Variants in SGCZ observed in about 807,000 individuals in gnomAD.
The protein encoded by SGCZ is sarcoglycan zeta, also known as zeta-sarcoglycan.
Under a neutral mutation model 41.3 loss-of-function variants are expected in SGCZ, and 40 were observed. The ratio of observed to expected loss-of-function variants is 0.97; its 90% CI spans 0.75 to 1.26. The LOEUF (loss-of-function observed/expected upper bound fraction) is 1.26. Ranked by LOEUF, SGCZ falls within the 50% of genes most tolerant of loss-of-function variation. The pLI, the probability that SGCZ is intolerant of heterozygous loss-of-function variation, is 0.00. For missense variants in SGCZ, 552 were observed against 369.8 expected (o/e 1.49, Z -4.04); for synonymous variants, 206 against 137.5 (o/e 1.50, Z -3.49).
At chr8:14,162,222 T>C (rs1327876870) in intron 5 of SGCZ, among the ~76,000 whole-genome samples, 2 of 152,106 alleles carry the variant, frequency 1.3e-5, no homozygotes, top group Non-Finnish European at 2.9e-5. Flanking sequence ...TTCCATGAGA[T>C]CGTAAAAGCT....
intron 1 of SGCZ, among the ~76,000 whole-genome samples, chr8:14,702,124 G>A (rs1194478578): frequency 6.6e-6 from 1 of 151,840 alleles, no homozygotes; most frequent in Non-Finnish European, 1.5e-5. Context: ...TTCAAATTCA[G>A]GGATAAATGC....
chr8:14,779,226 C>G (rs1800507061), intron 1 of SGCZ, among the ~76,000 whole-genome samples: 1 of 152,152 alleles, frequency 6.6e-6, no homozygotes, highest in South Asian at 2.1e-4. Context: ...TATCTGACTT[C>G]CCAAACTAAG....
intron 2 of SGCZ, among the ~76,000 whole-genome samples, chr8:14,517,800 G>C (rs1379694110): frequency 6.6e-6 from 1 of 151,148 alleles, no homozygotes; most frequent in Non-Finnish European, 1.5e-5. Context: ...AGCTTTTTTT[G>C]AAAAGTCATG....
intron 1 of SGCZ, among the ~76,000 whole-genome samples, chr8:15,046,936 T>A (rs1186082565): frequency 2.6e-5 from 4 of 152,008 alleles, no homozygotes; most frequent in Non-Finnish European, 5.9e-5. Flanking sequence ...CAGGAAAAAC[T>A]TTCAAAATTG....
At chr8:15,223,717 T>A (rs1801677688) in intron 1 of SGCZ, among the ~76,000 whole-genome samples, 1 of 152,186 alleles carries the variant, frequency 6.6e-6, no homozygotes, top group African/African-American at 2.4e-5. Context: ...ATAATCCTCA[T>A]TGTTTTTACT....
At chr8:14,740,070 C>T (rs150701872) in intron 1 of SGCZ, among the ~76,000 whole-genome samples, 4 of 152,030 alleles carry the variant, frequency 2.6e-5, no homozygotes, top group East Asian at 3.9e-4. Flanking sequence ...CAGCTAAAAA[C>T]GTGAAGCATA....
intron 4 of SGCZ, among the ~76,000 whole-genome samples, chr8:14,217,206 G>C (rs1231805743): frequency 1.4e-5 from 2 of 147,570 alleles, no homozygotes; most frequent in African/African-American, 5.1e-5. Context: ...TGAGGCAGGA[G>C]AATGGCGTGA....
chr8:14,598,338 T>C (rs964856493), intron 1 of SGCZ, among the ~76,000 whole-genome samples: 1 of 152,116 alleles, frequency 6.6e-6, no homozygotes, highest in East Asian at 1.9e-4. Context: ...ACATTCTTTA[T>C]ATATTGTTTA....
intron 2 of SGCZ, among the ~76,000 whole-genome samples, chr8:14,333,114 G>C (rs1489757143): frequency 6.6e-6 from 1 of 152,026 alleles, no homozygotes; most frequent in East Asian, 1.9e-4. Context: ...GTATAGCTCA[G>C]TCTAATATTA....
intron 1 of SGCZ, among the ~76,000 whole-genome samples, chr8:15,136,928 G>T (rs2116986611): frequency 2.0e-5 from 3 of 152,306 alleles, no homozygotes; most frequent in Admixed American, 2.0e-4. Context: ...AAAGGCAGAG[G>T]ATGGAACAGT....
At position 14,347,617 on chromosome 8, in the gene SGCZ, TAATTATA is replaced by T. The variant is rs527661504; in HGVS notation, c.235-23420_235-23414del. ...CATATACTTTATAAAATAAAAATTA[TAATTATA>T]AAAAAAAATACATATACACATAGGT... On this transcript the variant is annotated intron_variant, in intron 2 of 7. Transcript: ENST00000382080. Among the ~76,000 whole-genome samples, 1,025 of 143,770 alleles carry T rather than the reference TAATTATA, an allele frequency of 7.1e-3. 15 individuals carry two copies. The highest frequency in any genetic ancestry group is 0.027 in the African/African-American group (968 of 36,282). 94.3% of individuals were successfully genotyped at this position (143,770 alleles called of 152,430 possible).
At chr8:15,098,477 C>G (rs1167618838) in intron 1 of SGCZ, among the ~76,000 whole-genome samples, 1 of 152,184 alleles carries the variant, frequency 6.6e-6, no homozygotes, top group Non-Finnish European at 1.5e-5. Context: ...AAACTCATGT[C>G]TCCTAACTCT....
chr8:14,643,017 AT>A (rs1400228004), intron 1 of SGCZ, among the ~76,000 whole-genome samples: 3 of 151,656 alleles, frequency 2.0e-5, no homozygotes, highest in Non-Finnish European at 4.4e-5. Context: ...TTAAATGAAT[AT>A]ATTTTGACTT....
intron 1 of SGCZ, among the ~76,000 whole-genome samples, chr8:14,607,999 A>T (rs1157933113): frequency 6.6e-6 from 1 of 152,242 alleles, no homozygotes; most frequent in African/African-American, 2.4e-5. Flanking sequence ...TAATAGAAAG[A>T]TTACATGATT....
intron 2 of SGCZ, among the ~76,000 whole-genome samples, chr8:14,538,568 T>A (rs1378680519): frequency 6.6e-6 from 1 of 152,024 alleles, no homozygotes; most frequent in Non-Finnish European, 1.5e-5. Flanking sequence ...GCTGATATAC[T>A]TTCTATGGAG....
At chr8:14,101,374 A>G (rs1802015307) in intron 7 of SGCZ, among the ~76,000 whole-genome samples, 1 of 73,764 alleles carries the variant, frequency 1.4e-5, no homozygotes, top group Admixed American at 1.4e-4. Context: ...GGAAAAGACC[A>G]TGGAAAATTG....
intron 1 of SGCZ, among the ~76,000 whole-genome samples, chr8:14,831,139 T>C (rs17120383): frequency 0.044 from 6,627 of 152,220 alleles, 188 homozygotes; most frequent in South Asian, 0.077. Flanking sequence ...GAAAAGTGTA[T>C]ATGTCCATGA....
intron 3 of SGCZ, among the ~76,000 whole-genome samples, chr8:14,323,652 C>G (rs548183646): frequency 1.3e-5 from 2 of 152,164 alleles, no homozygotes; most frequent in South Asian, 2.1e-4. Flanking sequence ...TCACGTACAT[C>G]CAGAAATTAA....
chr8:14,142,549 A>T (rs1386803293), intron 5 of SGCZ, among the ~76,000 whole-genome samples: 7 of 152,110 alleles, frequency 4.6e-5, no homozygotes, highest in Non-Finnish European at 1.0e-4. Context: ...CTCAGTTTGA[A>T]GCAACTGGCT....
Sources: gnomAD v4.1 joint callset for allele counts (sites outside exome capture counted in the v4.1 genomes callset) on GRCh38, gnomAD v4.1.1 for gene constraint, MANE v1.5 for transcripts, NCBI Gene and HGNC (gene_info 2026-07-23, HGNC 2026-07-21) for gene names.